The following ABCC5 variants were observed in gnomAD, a reference collection of about 807,000 sequenced individuals.
The protein encoded by ABCC5 is ATP binding cassette subfamily C member 5, also known as ATP-binding cassette sub-family C member 5.
ABCC5 carries 61 observed loss-of-function variants against 160.9 expected under a neutral mutation model. The ratio of observed to expected loss-of-function variants is 0.38; its 90% CI spans 0.31 to 0.47. The LOEUF is 0.47. Among genes scored for constraint, ABCC5 ranks in the 20% least tolerant of loss-of-function variants. The pLI is 0.99. For missense variants in ABCC5, 1,308 were observed against 1,813.3 expected (o/e 0.72, Z 5.06); for synonymous variants, 666 against 700.6 (o/e 0.95, Z 0.78).
Position 183,965,382 on chromosome 3 carries a change from T to G in ABCC5, c.1953A>C (p.Glu651Asp). The G allele has an allele frequency of 6.2e-7, 1 of 1,614,144 alleles. No individual in the cohort carries two copies. Among genetic ancestry groups the G allele is most frequent in the South Asian group, 1.1e-5 (1 of 91,086 alleles). The change falls in exon 13 of 30, where the codon GAA becomes GAC. Residue 651 changes from glutamate (E) to aspartate (D), a missense_variant. By Grantham distance (45) the Glu-to-Asp change is conservative. Around this residue, in one of 3 missense-constraint regions of ABCC5, gnomAD observed 1,142 missense variants for 1,527.1 expected, o/e 0.75. Transcript: ENST00000334444. Reference protein sequence around the residue: ...DNILFGKEYDEERYNSVLNSC... With the variant: ...DNILFGKEYDDERYNSVLNSC... Reference sequence around the variant, plus strand: ...AGAAGCCAAACATTCCTTGCCTTTCTTCATCATATTCCTTCCCAAACAGGA... The same window carrying G: ...AGAAGCCAAACATTCCTTGCCTTTCGTCATCATATTCCTTCCCAAACAGGA...
At position 183,971,758 on chromosome 3, in the gene ABCC5, A is replaced by AGCC. The variant is rs1717772386; in HGVS notation, c.1563_1565dup (p.Ala522dup). 3.1e-6 allele frequency: 5 copies of AGCC among 1,614,006 alleles called. No homozygotes were observed. In the African/African-American group the frequency reaches 6.7e-5, roughly 22 times the overall value. ...TCACCTTCTCTTTCTTGCCCCTGGA[A>AGCC]GCCCTCTTGTCTTTTTTCATTTTGG... is the stretch of plus-strand genomic sequence containing the variant. On this transcript the variant is annotated inframe_insertion, in exon 11 of 30. Transcript: ENST00000334444.
chr3:183,960,357 T>C (rs1210912305), intron 16 of ABCC5, among the ~76,000 whole-genome samples: 1 of 152,172 alleles, frequency 6.6e-6, no homozygotes, highest in Non-Finnish European at 1.5e-5. Context: ...CACACTGCAA[T>C]TTCCCATTTC....
At chr3:183,938,788 A>G (rs1238574828) in intron 25 of ABCC5, among the ~76,000 whole-genome samples, 1 of 152,184 alleles carries the variant, frequency 6.6e-6, no homozygotes, top group African/African-American at 2.4e-5. Context: ...GAGAGAGACT[A>G]AGACAAGGCC....
chr3:183,984,603 T>C (rs1359848093), intron 5 of ABCC5: 2 of 1,384,410 alleles, frequency 1.4e-6, no homozygotes, highest in Non-Finnish European at 1.9e-6. Context: ...TCCCAGGAAA[T>C]AACCTGATCA....
intron 29 of ABCC5, among the ~76,000 whole-genome samples, chr3:183,922,050 T>A (rs202133059): frequency 1.9e-5 from 1 of 53,250 alleles, no homozygotes; most frequent in Non-Finnish European, 5.6e-5. Context: ...AATAAATAAA[T>A]AAATAAATAA....
chr3:184,013,602 T>C (rs916997815), intron 2 of ABCC5, among the ~76,000 whole-genome samples: 2 of 152,098 alleles, frequency 1.3e-5, no homozygotes, highest in African/African-American at 4.8e-5. Flanking sequence ...AAAACACCAA[T>C]TTTGTTTAGG....
chr3:183,944,422 A>T (rs182244288), intron 24 of ABCC5, among the ~76,000 whole-genome samples: 48 of 152,146 alleles, frequency 3.2e-4, no homozygotes, highest in African/African-American at 1.1e-3. Context: ...AAAATAAATT[A>T]AAAAAGGAAA....
At position 183,982,723 on chromosome 3, in the gene ABCC5, C is replaced by T; in HGVS notation, c.825+51G>A. 6.2e-7 allele frequency: 1 copy of T among 1,609,662 alleles called. No homozygotes were observed. On this transcript the variant is annotated intron_variant, in intron 6 of 29. Transcript: ENST00000334444. The surrounding 1 kb of genome is among the most constrained non-coding windows in gnomAD (Gnocchi z 5.2). ...TAAGGCAGGGCCCTAGAGGAATGAACCTCAAGCTAGGAAGTTGCTCTCTGC... is the reference window on the plus strand; with the variant it reads ...TAAGGCAGGGCCCTAGAGGAATGAATCTCAAGCTAGGAAGTTGCTCTCTGC...
rs1715218315 is a variant in ABCC5 at position 183,950,225 on chromosome 3, G to A, written c.2945-100C>T. The A allele has an allele frequency of 2.0e-5, 27 of 1,341,676 alleles. No individual in the cohort carries two copies. In the South Asian group the frequency reaches 3.9e-4, roughly 19 times the overall value. 83.1% of individuals were successfully genotyped at this position (1,341,676 alleles called of 1,614,324 possible). On this transcript the variant is annotated intron_variant, in intron 20 of 29. Coordinates refer to ENST00000334444, the MANE Select transcript of ABCC5 (RefSeq NM_005688.4). The stretch of plus-strand genomic sequence containing the variant: ...GGGTTCCACAAACTCTCTATCTGAA[G>A]TTTGTGATGTTGTCTTTAAACAGTC...
intron 20 of ABCC5, among the ~76,000 whole-genome samples, chr3:183,950,566 A>G (rs1280654701): frequency 6.6e-6 from 1 of 152,230 alleles, no homozygotes; most frequent in African/African-American, 2.4e-5. Flanking sequence ...ATCAACTTTC[A>G]TCTCTTTTTG....
intron 2 of ABCC5, among the ~76,000 whole-genome samples, chr3:183,992,507 G>A (rs748416921): frequency 1.1e-4 from 16 of 152,098 alleles, no homozygotes; most frequent in Non-Finnish European, 1.5e-4. Context: ...GATTTTCATC[G>A]CTTTCAAAGC....
chr3:184,003,640 A>G (rs1363880941), intron 2 of ABCC5, among the ~76,000 whole-genome samples: 1 of 152,180 alleles, frequency 6.6e-6, no homozygotes, highest in African/African-American at 2.4e-5. Context: ...GTGCTATGTT[A>G]CTCTCAAGCC....
At chr3:183,957,886 ATAT>A (rs1462767922) in intron 17 of ABCC5, among the ~76,000 whole-genome samples, 200 of 119,590 alleles carry the variant, frequency 1.7e-3, no homozygotes, top group African/African-American at 4.1e-3. Context: ...ATCCGTGTGT[ATAT>A]CACATCGGTT....
At chr3:183,946,334 G>A (rs966266958) in intron 23 of ABCC5, among the ~76,000 whole-genome samples, 1 of 152,196 alleles carries the variant, frequency 6.6e-6, no homozygotes, top group African/African-American at 2.4e-5. Context: ...AGTCAAATCA[G>A]ATACATAATG....
rs759842834 is a variant in ABCC5, at chr3:183,989,236, T to A, written c.277A>T (p.Thr93Ser). ...AGCACGGCATCTTACTTGGAAGTAG[T>A]CCGGATGGGCTTCAGAGCACTCAAG... ...HGLSALKPIR[T>S]TSKHQHPVDN... The change falls in exon 3 of 30, where the codon ACT becomes TCT. Residue 93 changes from threonine (T) to serine (S), a missense_variant. Physicochemically the swap from Thr to Ser is moderately conservative, Grantham distance 58. Transcript: ENST00000334444. 3 of 1,603,798 alleles carry A rather than the reference T, an allele frequency of 1.9e-6. No homozygotes were observed. The African/African-American group carries it at 4.1e-5, about 22-fold the overall frequency.
chr3:183,993,185 T>C (rs1247622644), intron 2 of ABCC5, among the ~76,000 whole-genome samples: 1 of 152,102 alleles, frequency 6.6e-6, no homozygotes, highest in Non-Finnish European at 1.5e-5. Context: ...TGCAAATGTC[T>C]TCGTGAAGGT....
chr3:184,007,447 T>G (rs1292379245), intron 2 of ABCC5, among the ~76,000 whole-genome samples: 1 of 152,170 alleles, frequency 6.6e-6, no homozygotes, highest in Non-Finnish European at 1.5e-5. Flanking sequence ...ATAAAGCTCA[T>G]AAAAGCATCT....
At chr3:183,975,102 C>T (rs1352337110) in intron 10 of ABCC5, among the ~76,000 whole-genome samples, 1 of 152,138 alleles carries the variant, frequency 6.6e-6, no homozygotes, top group Non-Finnish European at 1.5e-5. Flanking sequence ...AGGGCAGATG[C>T]TTTTGGGGAG....
Position 183,951,792 on chromosome 3 carries a change from C to T in ABCC5, c.2814+65G>A, listed in dbSNP as rs1288300863. 38 of 1,578,042 alleles carry T rather than the reference C, an allele frequency of 2.4e-5. No individual in the cohort carries two copies. Among genetic ancestry groups the T allele is most frequent in the Admixed American group, 3.4e-5 (2 of 59,284 alleles). On this transcript the variant is annotated intron_variant, in intron 19 of 29. Transcript: ENST00000334444. This position sits in a 1 kb window ranked among gnomAD's most constrained non-coding sequence, Gnocchi z 4.7. ...CCCCTACTCAGCATGAACTGAGAGA[C>T]GCCACACCAAAGCCTGACCACAGGT...
Sources: allele counts gnomAD v4.1 joint callset (sites outside exome capture counted in the v4.1 genomes callset), GRCh38; gene constraint gnomAD v4.1.1; regional missense constraint gnomAD v4.1.1; non-coding constraint Gnocchi (gnomAD v3.1); transcripts MANE v1.5; gene names NCBI Gene and HGNC (gene_info 2026-07-23, HGNC 2026-07-21).